Variants in CHFR observed in about 807,000 individuals in gnomAD.
The protein encoded by CHFR is E3 ubiquitin-protein ligase CHFR.
A neutral mutation model predicts 87.6 loss-of-function variants in CHFR; 57 were observed. The observed-to-expected ratio is 0.65, with a 90% confidence interval of 0.53 to 0.81. CHFR has a LOEUF of 0.81. Ranked by LOEUF, CHFR falls within the 30% of genes least tolerant of loss-of-function variation. CHFR has a pLI of 0.00. For missense variants in CHFR, 797 were observed against 865.8 expected (o/e 0.92, Z 1.00); for synonymous variants, 381 against 359.2 (o/e 1.06, Z -0.69).
rs1344021759 is a variant in CHFR at position 132,857,471 on chromosome 12, C to T, written c.1000G>A (p.Val334Met). Residue 334 changes from valine to methionine, a missense_variant, in exon 9 of 18, where the codon GTG becomes ATG. Val to Met is a conservative substitution (Grantham distance 21). Coordinates refer to ENST00000450056, the MANE Select transcript of CHFR (RefSeq NM_001161346.2). ...SSLCPTCRCP[V>M]ERICKNHILN... ...ATGTGGTTTTTACAGATCCGCTCCA[C>T]GGGACAGCGGCAGGTAGGACACAGG... 1.4e-5 allele frequency: 23 copies of T among 1,614,068 alleles called. No individual in the cohort carries two copies. Among genetic ancestry groups the T allele is most frequent in the Non-Finnish European group, 1.9e-5 (22 of 1,180,030 alleles).
intron 6 of CHFR, among the ~76,000 whole-genome samples, chr12:132,865,359 TTTC>T (rs1295806317): frequency 6.6e-6 from 1 of 152,082 alleles, no homozygotes; most frequent in Non-Finnish European, 1.5e-5. Flanking sequence ...TCTGGCATGT[TTTC>T]TTTTCTTTTT....
intron 3 of CHFR, among the ~76,000 whole-genome samples, chr12:132,873,392 G>T (rs1951537421): frequency 1.3e-5 from 2 of 152,234 alleles, no homozygotes; most frequent in African/African-American, 2.4e-5. Flanking sequence ...GGCTGTGTGT[G>T]TCTGAGTTCT....
In CHFR at chr12:132,848,114, T is replaced by G. The variant is rs780565079; in HGVS notation, c.1618A>C (p.Asn540His). 4 of 1,614,128 alleles carry G rather than the reference T, an allele frequency of 2.5e-6. No homozygotes were observed. The highest frequency in any genetic ancestry group is 3.4e-6 in the Non-Finnish European group (4 of 1,180,034). The part of the protein sequence containing the change: ...GDKCLDGVLN[N>H]NSYESDILKN... ...AGGATGTCTGACTCGTAGCTGTTGT[T>G]GTTCAGCACGCCGTCCAGACACTTG... is the stretch of plus-strand genomic sequence containing the variant. Residue 540 changes from asparagine (N) to histidine (H), a missense_variant, in exon 14 of 18, where the codon AAC (asparagine) becomes CAC (histidine). Physicochemically the swap from Asn to His is moderately conservative, Grantham distance 68. Coordinates refer to ENST00000450056, the MANE Select transcript of CHFR (RefSeq NM_001161346.2).
chr12:132,882,028 GC>G (rs1951780963), intron 2 of CHFR, among the ~76,000 whole-genome samples: 1 of 152,174 alleles, frequency 6.6e-6, no homozygotes, highest in African/African-American at 2.4e-5. Context: ...TGGCCACGTG[GC>G]CCAGCAATTC....
chr12:132,878,737 G>A (rs1303202025), intron 2 of CHFR, among the ~76,000 whole-genome samples: 3 of 145,186 alleles, frequency 2.1e-5, no homozygotes, highest in African/African-American at 5.1e-5. Flanking sequence ...GGAGAATGGC[G>A]AGAACCCGGG....
rs568126351 is a variant in CHFR, at chr12:132,859,382, G to A, written c.752-155C>T. 3.1e-4 allele frequency among the ~76,000 whole-genome samples: 47 copies of A among 151,798 alleles called. No homozygotes were observed. In the South Asian group the frequency reaches 9.2e-3, roughly 30 times the overall value. On this transcript the variant is annotated intron_variant, in intron 7 of 17. Coordinates refer to ENST00000450056, the MANE Select transcript of CHFR (RefSeq NM_001161346.2). ...CTTTTTTTTTTCGAGACAGAGTCTC[G>A]CTCTGTCGCCCAGGCTGGAGTGCAG...
intron 3 of CHFR, 21 bp from the exon 4 acceptor site, chr12:132,872,415 A>G (rs778361905): frequency 6.5e-7 from 1 of 1,550,012 alleles, no homozygotes; most frequent in African/African-American, 1.4e-5. Context: ...ACAAAAACAC[A>G]ATTTATTCTA....
At chr12:132,875,907 G>A (rs769545659) in intron 3 of CHFR, among the ~76,000 whole-genome samples, 3 of 152,152 alleles carry the variant, frequency 2.0e-5, no homozygotes, top group Non-Finnish European at 4.4e-5. Flanking sequence ...GGGCGCGATG[G>A]CTCACGCCTG....
Position 132,869,791 on chromosome 12 carries a change from T to C in CHFR, c.411A>G (p.Ser137=), listed in dbSNP as rs1951442837. 6.4e-7 allele frequency: 1 copy of C among 1,551,426 alleles called. No individual in the cohort carries two copies. The highest frequency in any genetic ancestry group is 8.7e-7 in the Non-Finnish European group (1 of 1,146,978). The change falls in exon 6 of 18, where the codon TCA becomes TCG. Residue 137 remains serine (S), a synonymous_variant. Transcript: ENST00000450056. ...QGMTQESFDT[S]GAGAGRGADP... ...CGGCCCCTCGCCCTGCACCTGCACC[T>C]GAGGTATCTTTGGTCCCATGGAACA...
chr12:132,861,323 C>T (rs898208588), intron 7 of CHFR, 144 bp downstream of exon 7: 12 of 729,334 alleles, frequency 1.6e-5, no homozygotes, highest in South Asian at 7.7e-5. Flanking sequence ...ATGAAAATGC[C>T]GGAGGTGTTA....
At position 132,836,750 on chromosome 12, in the gene CHFR, G is replaced by A. The variant is rs1261153364; in HGVS notation, c.*4804C>T. ...CCGTGAAAAGTGAGCGACAGAGGAA[G>A]GGGCGCCTGTTTGTGCCGCGGGAAA... is the stretch of plus-strand genomic sequence containing the variant. On this transcript the variant is annotated 3_prime_UTR_variant, in exon 18 of 18. Transcript: ENST00000450056. 7 of 455,992 alleles carry A rather than the reference G, an allele frequency of 1.5e-5. No individual in the cohort carries two copies. Among genetic ancestry groups the A allele is most frequent in the South Asian group, 1.1e-4 (7 of 64,566 alleles). 28.2% of individuals were successfully genotyped at this position (455,992 alleles called of 1,614,324 possible).
chr12:132,848,464 G>A (rs766728386), intron 13 of CHFR, 177 bp downstream of exon 13: 14 of 692,544 alleles, frequency 2.0e-5, no homozygotes, highest in Non-Finnish European at 3.5e-5. Flanking sequence ...TTGATTTTGA[G>A]CTAACACGAA....
At chr12:132,886,696 A>G (rs570849679) in intron 2 of CHFR, among the ~76,000 whole-genome samples, 1 of 152,344 alleles carries the variant, frequency 6.6e-6, no homozygotes, top group Non-Finnish European at 1.5e-5. Flanking sequence ...CTTTTTTAAT[A>G]TAAGCACTAC....
chr12:132,861,431 C>T (rs80126514), intron 7 of CHFR, 36 bp downstream of exon 7: 20 of 1,604,862 alleles, frequency 1.2e-5, no homozygotes, highest in Admixed American at 6.7e-5. Flanking sequence ...CAGGAGCACA[C>T]GAGAGGACTG....
intron 6 of CHFR, among the ~76,000 whole-genome samples, chr12:132,863,128 C>G (rs1020585405): frequency 1.5e-4 from 23 of 150,092 alleles, no homozygotes; most frequent in Non-Finnish European, 2.7e-4. Flanking sequence ...GATCTCCTGA[C>G]CTCGTGATCC....
In CHFR at chr12:132,877,176, T is replaced by C. The variant is rs1854014694; in HGVS notation, c.233+379A>G. 3.3e-5 allele frequency among the ~76,000 whole-genome samples: 5 copies of C among 152,272 alleles called. No homozygotes were observed. The South Asian group carries it at 8.3e-4, about 25-fold the overall frequency. ...AATATCATATTTTTACTGCACCTGT[T>C]CTGTGTTTAGATAAATACTCTTACC... On this transcript the variant is annotated intron_variant, in intron 3 of 17. Coordinates refer to ENST00000450056, the MANE Select transcript of CHFR (RefSeq NM_001161346.2).
intron 2 of CHFR, among the ~76,000 whole-genome samples, chr12:132,886,374 CA>C (rs10616057): frequency 0.35 from 51,256 of 147,458 alleles, 9,274 homozygotes; most frequent in East Asian, 0.68. Flanking sequence ...TGAAATTAAC[CA>C]AAAAAAAAAA....
chr12:132,868,262 G>A (rs547884588), intron 6 of CHFR, among the ~76,000 whole-genome samples: 10 of 152,172 alleles, frequency 6.6e-5, no homozygotes, highest in African/African-American at 2.2e-4. Context: ...GAGGCCGATC[G>A]GACAGATCAC....
At chr12:132,848,026 C>T (rs1950864043) in intron 14 of CHFR, 59 bp downstream of exon 14, 1 of 1,612,682 alleles carries the variant, frequency 6.2e-7, no homozygotes, top group Non-Finnish European at 8.5e-7. Flanking sequence ...AGAGAACCAG[C>T]TGGCTGCACT....
Sources: gnomAD v4.1 joint callset for allele counts (sites outside exome capture counted in the v4.1 genomes callset) on GRCh38, gnomAD v4.1.1 for gene constraint, MANE v1.5 for transcripts, NCBI Gene and HGNC (gene_info 2026-07-23, HGNC 2026-07-21) for gene names.